Variants in WIPF2 observed in about 807,000 individuals in gnomAD.
WIPF2 encodes the protein WAS/WASL-interacting protein family member 2.
WIPF2 carries 23 observed loss-of-function variants against 38.8 expected under a neutral mutation model. The observed-to-expected ratio is 0.59, with a 90% CI of 0.43 to 0.84. The LOEUF is 0.84. Ranked by LOEUF, WIPF2 falls within the 40% of genes least tolerant of loss-of-function variation. The pLI, the probability that WIPF2 is intolerant of heterozygous loss-of-function variation, is 0.00. For missense variants in WIPF2, 574 were observed against 580.5 expected, an observed-to-expected ratio of 0.99 and a Z score of 0.11; for synonymous variants, 210 against 223.2, an observed-to-expected ratio of 0.94 and a Z score of 0.53.
chr17:40,261,245 CT>C (rs1490632711), intron 3 of WIPF2, among the ~76,000 whole-genome samples: 8 of 151,912 alleles, frequency 5.3e-5, no homozygotes, highest in Non-Finnish European at 1.2e-4. Flanking sequence ...AGCCTTCTAT[CT>C]GTCATCTGAG....
chr17:40,258,058 T>C (rs769516513), intron 2 of WIPF2, among the ~76,000 whole-genome samples: 11 of 152,184 alleles, frequency 7.2e-5, no homozygotes, highest in Non-Finnish European at 1.3e-4. Context: ...ATGAACTGCC[T>C]TTTAGATGAA....
intron 1 of WIPF2, among the ~76,000 whole-genome samples, chr17:40,246,234 G>A (rs1355495536): frequency 5.4e-5 from 8 of 148,392 alleles, no homozygotes; most frequent in Non-Finnish European, 1.0e-4. Context: ...TTACAGGCGC[G>A]CACCACCACA....
rs142300654 is a variant in WIPF2, at chr17:40,242,548, C to T, written c.-69-13843C>T. 2.7e-3 allele frequency among the ~76,000 whole-genome samples: 410 copies of T among 152,142 alleles called. 1 individual carries two copies. Among genetic ancestry groups the T allele is most frequent in the Middle Eastern group, 0.01 (3 of 294 alleles). On this transcript the variant is annotated intron_variant, in intron 1 of 7. Transcript: ENST00000323571. ...CCGAGTAGCTGGGATTACAGGCGCCCGCCGCCACGCCTGGCTAATTTTTTT... is the reference window on the plus strand; with the variant it reads ...CCGAGTAGCTGGGATTACAGGCGCCTGCCGCCACGCCTGGCTAATTTTTTT...
intron 5 of WIPF2, among the ~76,000 whole-genome samples, chr17:40,272,144 C>T (rs769394023): frequency 2.0e-5 from 3 of 151,890 alleles, no homozygotes; most frequent in Admixed American, 6.6e-5. Context: ...CTCAGCCTTC[C>T]GAGTAGCTGG....
chr17:40,273,640 G>A (rs1430324494), intron 5 of WIPF2, 150 bp from the exon 6 acceptor site: 4 of 586,716 alleles, frequency 6.8e-6, no homozygotes, highest in Non-Finnish European at 1.2e-5. Context: ...CTGGAAGAAT[G>A]GTGATGCTGT....
rs2030064924 is a variant in WIPF2, at chr17:40,219,390, G to A, written c.-172G>A. On this transcript the variant is annotated 5_prime_UTR_variant, in exon 1 of 8. Transcript: ENST00000323571. Reference sequence around the variant, plus strand: ...CGGTGGCGGCGGCGGCGGCGGCGGCGGCGGCGGCGACGGCGAGAAAGAGCT... The same window carrying A: ...CGGTGGCGGCGGCGGCGGCGGCGGCAGCGGCGGCGACGGCGAGAAAGAGCT... 1 of 420,750 alleles carries A rather than the reference G, an allele frequency of 2.4e-6. No homozygotes were observed. Among genetic ancestry groups the A allele is most frequent in the South Asian group, 2.2e-5 (1 of 46,182 alleles). 26.1% of individuals were successfully genotyped at this position (420,750 alleles called of 1,614,324 possible).
At position 40,256,391 on chromosome 17, in the gene WIPF2, G is replaced by GTA. The variant is rs2031731438; in HGVS notation, c.-65_-64dup. 1.3e-6 allele frequency: 2 copies of GTA among 1,570,220 alleles called. No homozygotes were observed. The highest frequency in any genetic ancestry group is 1.7e-6 in the Non-Finnish European group (2 of 1,166,480). The stretch of plus-strand genomic sequence containing the variant: ...TAATGAGTTTCTTTTTCATTTGCAG[G>GTA]TATATGAATGACCTAAAGGTACAAA... On this transcript the variant is annotated splice_region_variant and 5_prime_UTR_variant, in exon 2 of 8. In the 5' UTR this introduces an upstream ATG that the reference lacks. Transcript: ENST00000323571.
intron 5 of WIPF2, chr17:40,273,564 A>C: frequency 2.0e-6 from 1 of 504,170 alleles, no homozygotes; most frequent in Non-Finnish European, 3.5e-6. Flanking sequence ...AATCAAGAAC[A>C]GATAGGGTTC....
chr17:40,223,777 A>T (rs1326330091), intron 1 of WIPF2, among the ~76,000 whole-genome samples: 2 of 151,600 alleles, frequency 1.3e-5, no homozygotes, highest in South Asian at 2.1e-4. Flanking sequence ...TGTAGAGACG[A>T]GGTTTCACTG....
chr17:40,249,169 A>T (rs974535095), intron 1 of WIPF2, among the ~76,000 whole-genome samples: 25 of 152,322 alleles, frequency 1.6e-4, no homozygotes, highest in Admixed American at 6.5e-4. Flanking sequence ...TCTTTTTAAA[A>T]TAACTTGCAA....
chr17:40,262,488 G>A, intron 3 of WIPF2, 37 bp from the exon 4 acceptor site: 1 of 1,537,884 alleles, frequency 6.5e-7, no homozygotes, highest in Non-Finnish European at 9.0e-7. Flanking sequence ...CCAGCTGAGA[G>A]CATGTGAAAT....
intron 1 of WIPF2, among the ~76,000 whole-genome samples, chr17:40,242,410 T>C (rs369176570): frequency 6.6e-6 from 1 of 152,004 alleles, no homozygotes; most frequent in East Asian, 1.9e-4. Context: ...TTGTTGTTGT[T>C]GTTGTTGTTG....
At position 40,278,376 on chromosome 17, in the gene WIPF2, C is replaced by T; in HGVS notation, c.*151C>T. The stretch of plus-strand genomic sequence containing the variant: ...GACTCCAAATGTCCTCCCAGCTCAC[C>T]TCCATCTATGCATCTCATCTCTGGA... On this transcript the variant is annotated 3_prime_UTR_variant, in exon 8 of 8. Coordinates refer to ENST00000323571, the MANE Select transcript of WIPF2 (RefSeq NM_133264.5). 1 of 835,126 alleles carries T rather than the reference C, an allele frequency of 1.2e-6. No homozygotes were observed. Among genetic ancestry groups the T allele is most frequent in the South Asian group, 1.7e-5 (1 of 58,672 alleles). 51.7% of individuals were successfully genotyped at this position (835,126 alleles called of 1,614,324 possible). A position where few individuals can be genotyped will look rare whatever the true frequency, so the allele number is the denominator to read the frequency against.
intron 1 of WIPF2, among the ~76,000 whole-genome samples, chr17:40,247,876 G>A (rs1036980691): frequency 6.6e-6 from 1 of 152,162 alleles, no homozygotes; most frequent in Non-Finnish European, 1.5e-5. Context: ...GTTAGTAATT[G>A]TTAAATACTT....
chr17:40,264,355 A>G (rs1486393543), intron 4 of WIPF2, 135 bp from the exon 5 acceptor site: 11 of 664,556 alleles, frequency 1.7e-5, no homozygotes, highest in Middle Eastern at 4.0e-4. Context: ...AAAAAAAAAG[A>G]AAAACAAAAA....
At chr17:40,223,666 C>A (rs530666034) in intron 1 of WIPF2, among the ~76,000 whole-genome samples, 1 of 138,228 alleles carries the variant, frequency 7.2e-6, no homozygotes. Context: ...ATGGCATGAT[C>A]TCTGCTCACT....
At chr17:40,232,015 C>CTTTT (rs547592426) in intron 1 of WIPF2, among the ~76,000 whole-genome samples, 7 of 110,380 alleles carry the variant, frequency 6.3e-5, no homozygotes, top group Non-Finnish European at 1.3e-4. Context: ...ATTGATTTTA[C>CTTTT]TTTTTTTTTT....
chr17:40,265,216 T>C (rs2032050206), intron 5 of WIPF2, 70 bp downstream of exon 5: 1 of 1,493,788 alleles, frequency 6.7e-7, no homozygotes, highest in African/African-American at 1.4e-5. Context: ...AGAGCACTCC[T>C]TGAAGACAGT....
chr17:40,264,268 G>A (rs1459523551), intron 4 of WIPF2, among the ~76,000 whole-genome samples: 3 of 136,024 alleles, frequency 2.2e-5, no homozygotes, highest in Non-Finnish European at 4.6e-5. Context: ...AGAGGTTGCA[G>A]TGAGCTGAGA....
Sources: allele counts gnomAD v4.1 joint callset (sites outside exome capture counted in the v4.1 genomes callset), GRCh38; gene constraint gnomAD v4.1.1; transcripts MANE v1.5; gene names NCBI Gene and HGNC (gene_info 2026-07-23, HGNC 2026-07-21).